FRK: variants seen among roughly 807,000 people sequenced by gnomAD.
FRK encodes tyrosine-protein kinase FRK.
FRK carries 51 observed loss-of-function variants against 56.4 expected under a neutral mutation model. The ratio of observed to expected loss-of-function variants is 0.90; its 90% CI spans 0.72 to 1.14. The LOEUF (loss-of-function observed/expected upper bound fraction) is 1.14. Among genes scored for constraint, FRK ranks in the 50% most tolerant of loss-of-function variants. FRK has a pLI of 0.00. For synonymous variants in FRK, 245 were observed against 217.9 expected, an observed-to-expected ratio of 1.12 and a Z score of -1.10; for missense variants, 570 against 601.4, an observed-to-expected ratio of 0.95 and a Z score of 0.55.
chr6:116,037,746 C>A (rs894823278), intron 1 of FRK, among the ~76,000 whole-genome samples: 1 of 152,128 alleles, frequency 6.6e-6, no homozygotes, highest in African/African-American at 2.4e-5. Flanking sequence ...TAAACATCTT[C>A]TTTTCTAATG....
At chr6:115,958,719 GA>G (rs57681006) in intron 4 of FRK, among the ~76,000 whole-genome samples, 2 of 10,800 alleles carry the variant, frequency 1.9e-4, no homozygotes, top group African/African-American at 7.4e-4. Context: ...AAGAAAGAAA[GA>G]AAGAAAGAAA....
At chr6:115,956,992 G>T (rs1773024036) in intron 4 of FRK, among the ~76,000 whole-genome samples, 1 of 152,180 alleles carries the variant, frequency 6.6e-6, no homozygotes, top group Non-Finnish European at 1.5e-5. Context: ...TGCAACCAGA[G>T]ACTGATACCT....
At chr6:115,946,732 G>T (rs1772471185) in intron 5 of FRK, among the ~76,000 whole-genome samples, 1 of 152,142 alleles carries the variant, frequency 6.6e-6, no homozygotes, top group African/African-American at 2.4e-5. Context: ...AAACCTACAA[G>T]AAAACCGTGA....
chr6:115,949,379 C>T (rs961400307), intron 5 of FRK, among the ~76,000 whole-genome samples: 2 of 152,216 alleles, frequency 1.3e-5, no homozygotes, highest in African/African-American at 2.4e-5. Flanking sequence ...AAAGGGAATG[C>T]TTCCAGCTTT....
the FRK span, among the ~76,000 whole-genome samples, chr6:116,091,733 T>C: frequency 6.6e-6 from 1 of 152,004 alleles, no homozygotes; most frequent in Non-Finnish European, 1.5e-5. Flanking sequence ...GACAGGGGTG[T>C]CAGGGTTTCT....
At chr6:116,065,050 C>A (rs917429009), upstream of FRK, among the ~76,000 whole-genome samples, 2 of 152,164 alleles carry the variant, frequency 1.3e-5, no homozygotes, top group African/African-American at 4.8e-5. Flanking sequence ...AAATCCCTCA[C>A]CTCCTTAGAC....
At chr6:116,067,875 G>A in the FRK span, among the ~76,000 whole-genome samples, 1 of 152,176 alleles carries the variant, frequency 6.6e-6, no homozygotes, top group South Asian at 2.1e-4. Flanking sequence ...ACTTTTTCAG[G>A]CTTCAGCTGT....
At chr6:116,025,132 T>G (rs1255918932) in intron 1 of FRK, among the ~76,000 whole-genome samples, 1 of 152,146 alleles carries the variant, frequency 6.6e-6, no homozygotes, top group Non-Finnish European at 1.5e-5. Context: ...GCAGGCCCCA[T>G]GAAAGGACGA....
chr6:116,004,077 AT>A, intron 1 of FRK, 79 bp from the exon 2 acceptor site: 1 of 1,258,992 alleles, frequency 7.9e-7, no homozygotes, highest in Non-Finnish European at 1.1e-6. Context: ...GCAAGATAGT[AT>A]TCTAATATCA....
the FRK span, among the ~76,000 whole-genome samples, chr6:116,071,317 C>T: frequency 1.3e-5 from 2 of 152,110 alleles, no homozygotes; most frequent in African/African-American, 2.4e-5. Context: ...GGAAGGTATT[C>T]GCTACTGGTT....
chr6:116,085,625 A>G, the FRK span, among the ~76,000 whole-genome samples: 1 of 152,186 alleles, frequency 6.6e-6, no homozygotes, highest in African/African-American at 2.4e-5. Flanking sequence ...GCATATTAGA[A>G]GGAGCTCAAG....
At chr6:116,057,888 C>T (rs1729619154) in intron 1 of FRK, among the ~76,000 whole-genome samples, 1 of 152,064 alleles carries the variant, frequency 6.6e-6, no homozygotes, top group Non-Finnish European at 1.5e-5. Context: ...GAATATGATA[C>T]CTTCGGATTG....
intron 5 of FRK, among the ~76,000 whole-genome samples, chr6:115,945,813 T>C (rs1318722355): frequency 6.6e-6 from 1 of 152,150 alleles, no homozygotes; most frequent in Non-Finnish European, 1.5e-5. Flanking sequence ...GACATGCACA[T>C]ACCTTCAATA....
At chr6:116,013,877 T>C (rs1215309079) in intron 1 of FRK, among the ~76,000 whole-genome samples, 1 of 152,152 alleles carries the variant, frequency 6.6e-6, no homozygotes, top group Non-Finnish European at 1.5e-5. Flanking sequence ...ATTCCCTGGA[T>C]CCAGGTTTCT....
chr6:115,947,714 T>G (rs1772525963), intron 5 of FRK, among the ~76,000 whole-genome samples: 1 of 152,132 alleles, frequency 6.6e-6, no homozygotes, highest in African/African-American at 2.4e-5. Context: ...TGTTTTGTAT[T>G]AAGTCATAGA....
chr6:116,007,974 T>C (rs568962609), intron 1 of FRK, among the ~76,000 whole-genome samples: 1 of 152,230 alleles, frequency 6.6e-6, no homozygotes, highest in Admixed American at 6.5e-5. Flanking sequence ...AAAATAAAAA[T>C]AAAAGGTTTA....
the FRK span, among the ~76,000 whole-genome samples, chr6:116,077,465 C>A: frequency 6.6e-6 from 1 of 152,196 alleles, no homozygotes. Flanking sequence ...TCCTATAGCT[C>A]CCCACCCAAC....
chr6:115,953,713 C>T lies in FRK; in HGVS notation c.958+2739G>A, dbSNP rs527778035. ...AATCCTCAATGTCAAAGGTGTTAGC[C>T]ATGTACCAAGTTGATCTTTTCAAGC... On this transcript the variant is annotated intron_variant, in intron 5 of 7. Coordinates refer to ENST00000606080, the MANE Select transcript of FRK (RefSeq NM_002031.3). 3.2e-4 allele frequency among the ~76,000 whole-genome samples: 49 copies of T among 152,284 alleles called. No homozygotes were observed. In the South Asian group the frequency reaches 6.2e-3, roughly 19 times the overall value.
At chr6:115,967,153 T>C (rs1454517019) in intron 4 of FRK, among the ~76,000 whole-genome samples, 4 of 152,212 alleles carry the variant, frequency 2.6e-5, no homozygotes, top group Non-Finnish European at 5.9e-5. Context: ...CTTTTAACCA[T>C]ACAAAATTAA....
Sources: allele counts gnomAD v4.1 joint callset (sites outside exome capture counted in the v4.1 genomes callset), GRCh38; gene constraint gnomAD v4.1.1; transcripts MANE v1.5; gene names NCBI Gene and HGNC (gene_info 2026-07-23, HGNC 2026-07-21).